DMD: variants seen among roughly 807,000 people sequenced by gnomAD.
DMD encodes mutant dystrophin.
DMD carries 63 observed loss-of-function variants against 330.1 expected under a neutral mutation model. The ratio of observed to expected loss-of-function variants is 0.19; its 90% CI spans 0.16 to 0.24. DMD has a LOEUF of 0.24. DMD is among the 10% of genes least tolerant of loss of function. DMD has a pLI of 1.00. For missense variants in DMD, 3,344 were observed against 2,684.1 expected (o/e 1.25, Z -5.43); for synonymous variants, 1,223 against 959.8 (o/e 1.27, Z -5.07).
chrX:31,603,578 G>A (rs2077475043), intron 55 of DMD, among the ~76,000 whole-genome samples: 1 of 111,996 alleles, frequency 8.9e-6, no homozygotes, highest in South Asian at 3.7e-4. Context: ...TTTGAAAAGA[G>A]TCTGCTGTGG....
chrX:31,718,609 G>A (rs1382125853), intron 52 of DMD, among the ~76,000 whole-genome samples: 1 of 110,528 alleles, frequency 9.0e-6, no homozygotes, highest in African/African-American at 3.3e-5. Context: ...AGAGACTAGA[G>A]TACCTCTCTG....
chrX:31,576,287 T>G (rs1448887383), intron 55 of DMD, among the ~76,000 whole-genome samples: 1 of 112,106 alleles, frequency 8.9e-6, no homozygotes, highest in Non-Finnish European at 1.9e-5. Context: ...GGTAGGCAAG[T>G]ATGTTTTATA....
chrX:32,464,159 A>C (rs228388), intron 24 of DMD, among the ~76,000 whole-genome samples: 1 of 110,608 alleles, frequency 9.0e-6, no homozygotes, highest in South Asian at 3.8e-4. Context: ...ATAGTAATTT[A>C]TCATAAGAAA....
At chrX:32,201,833 C>T (rs1459010203) in intron 44 of DMD, among the ~76,000 whole-genome samples, 2 of 110,811 alleles carry the variant, frequency 1.8e-5, no homozygotes, top group Non-Finnish European at 3.8e-5. Context: ...GACTCCAGTG[C>T]AATGATACAA....
At chrX:32,676,731 G>T (rs909589985) in intron 9 of DMD, among the ~76,000 whole-genome samples, 1 of 111,351 alleles carries the variant, frequency 9.0e-6, no homozygotes, top group African/African-American at 3.3e-5. Context: ...AGTAATGTTA[G>T]CCCGTGTCTT....
At chrX:32,172,910 T>C (rs2096892866) in intron 44 of DMD, among the ~76,000 whole-genome samples, 1 of 111,682 alleles carries the variant, frequency 9.0e-6, no homozygotes, top group African/African-American at 3.3e-5. Context: ...AAATCAAAGA[T>C]CATAGAGGTA....
At chrX:31,979,081 G>C (rs1339148424) in intron 44 of DMD, among the ~76,000 whole-genome samples, 2 of 111,705 alleles carry the variant, frequency 1.8e-5, no homozygotes, top group East Asian at 5.6e-4. Context: ...TAGAGACAAG[G>C]ACTCATTCTG....
In DMD at chrX:31,729,656, C is replaced by A. The variant is rs755223592; in HGVS notation, c.7635G>T (p.Glu2545Asp). 8.3e-7 allele frequency: 1 copy of A among 1,209,136 alleles called. No individual in the cohort carries two copies. Among genetic ancestry groups the A allele is most frequent in the Non-Finnish European group, 1.1e-6 (1 of 894,539 alleles). ...TTCGATCCGTAATGATTGTTCTAGC[C>A]TCTTGATTGCTGGTCTTGTTTTTCA... The part of the protein sequence containing the change: ...QNLKNKTSNQ[E>D]ARTIITDRIE... The change falls in exon 52 of 79, where the codon GAG (glutamate) becomes GAT (aspartate). Residue 2545 changes from glutamate (E) to aspartate (D), a missense_variant. By Grantham distance (45) the Glu-to-Asp change is conservative (BLOSUM62 2). Coordinates refer to ENST00000357033, the MANE Select transcript of DMD (RefSeq NM_004006.3).
At chrX:31,369,897 A>G (rs181656755) in intron 60 of DMD, among the ~76,000 whole-genome samples, 2 of 111,173 alleles carry the variant, frequency 1.8e-5, no homozygotes, top group East Asian at 5.6e-4. Context: ...TAAGACATAT[A>G]AAACAGGAGA....
Position 31,627,743 on chromosome X carries a change from T to C in DMD, c.8147A>G (p.Gln2716Arg), listed in dbSNP as rs750640802. ...TEAETTANVL[Q>R]DATRKERLLE... ...GAGCCTTTCCTTACGGGTAGCATCC[T>C]GTAGGACATTGGCAGTTGTTTCAGC... is the stretch of plus-strand genomic sequence containing the variant. Residue 2716 changes from glutamine to arginine, a missense_variant, in exon 55 of 79, where the codon CAG becomes CGG. Physicochemically the swap from Gln to Arg is conservative, Grantham distance 43. Coordinates refer to ENST00000357033, the MANE Select transcript of DMD (RefSeq NM_004006.3). 30 of 1,209,623 alleles carry C rather than the reference T, an allele frequency of 2.5e-5. No individual in the cohort carries two copies. Among genetic ancestry groups the C allele is most frequent in the South Asian group, 5.3e-5 (3 of 56,769 alleles).
At chrX:32,752,850 C>G (rs955184087) in intron 7 of DMD, among the ~76,000 whole-genome samples, 2 of 110,357 alleles carry the variant, frequency 1.8e-5, no homozygotes, top group Non-Finnish European at 3.8e-5. Flanking sequence ...TTTCCCTGCA[C>G]AAGCTTTCTT....
chrX:33,293,328 T>G (rs756815059), intron 1 of DMD, among the ~76,000 whole-genome samples: 2 of 111,418 alleles, frequency 1.8e-5, no homozygotes, highest in African/African-American at 3.3e-5. Flanking sequence ...AGTTTGCATC[T>G]TTCTGAAATA....
chrX:33,334,561 G>A (rs761640415), intron 1 of DMD, among the ~76,000 whole-genome samples: 1 of 111,023 alleles, frequency 9.0e-6, no homozygotes, highest in East Asian at 2.8e-4. Flanking sequence ...ATAAATGGGT[G>A]TGGCTGTCTT....
intron 1 of DMD, among the ~76,000 whole-genome samples, chrX:33,332,059 G>A (rs2054187388): frequency 9.0e-6 from 1 of 111,499 alleles, no homozygotes; most frequent in East Asian, 2.8e-4. Flanking sequence ...ACTATCAAAG[G>A]AGACACTGAA....
chrX:31,403,941 T>G (rs758342618), intron 60 of DMD, among the ~76,000 whole-genome samples: 40 of 111,680 alleles, frequency 3.6e-4, no homozygotes, highest in Admixed American at 9.6e-4. Context: ...AATGAAAATT[T>G]TAGACTGATT....
At chrX:32,965,211 G>A (rs913868035) in intron 2 of DMD, among the ~76,000 whole-genome samples, 1 of 111,612 alleles carries the variant, frequency 9.0e-6, no homozygotes, top group African/African-American at 3.3e-5. Flanking sequence ...ATTTTCCGGG[G>A]CTGGGTGCGG....
At chrX:32,341,720 T>C (rs1324530256) in intron 41 of DMD, among the ~76,000 whole-genome samples, 4 of 111,777 alleles carry the variant, frequency 3.6e-5, no homozygotes, top group Non-Finnish European at 7.5e-5. Flanking sequence ...ATTAAGAAAG[T>C]AAAATCAGCA....
At chrX:32,014,728 TAAGTG>T (rs1358814226) in intron 44 of DMD, among the ~76,000 whole-genome samples, 1 of 111,970 alleles carries the variant, frequency 8.9e-6, no homozygotes, top group Non-Finnish European at 1.9e-5. Flanking sequence ...TGAAAGAACA[TAAGTG>T]AAGGTCAGAA....
chrX:32,794,780 A>G (rs1427081642), intron 7 of DMD, among the ~76,000 whole-genome samples: 4 of 111,693 alleles, frequency 3.6e-5, no homozygotes, highest in Admixed American at 2.9e-4. Flanking sequence ...CTAAACCCTC[A>G]CCAGAAAGCT....
Sources: gnomAD v4.1 joint callset for allele counts (sites outside exome capture counted in the v4.1 genomes callset) on GRCh38, gnomAD v4.1.1 for gene constraint, MANE v1.5 for transcripts, NCBI Gene and HGNC (gene_info 2026-07-23, HGNC 2026-07-21) for gene names.